The following KIAA0930 variants were observed in gnomAD, a reference collection of about 807,000 sequenced individuals.
KIAA0930 encodes the protein uncharacterized protein KIAA0930.
In KIAA0930, 24 loss-of-function variants were observed where a neutral mutation model predicts 43.9. The ratio of observed to expected loss-of-function variants is 0.55; its 90% CI spans 0.40 to 0.77. The LOEUF is 0.77. Among genes scored for constraint, KIAA0930 ranks in the 30% least tolerant of loss-of-function variants. KIAA0930 has a pLI of 0.00. For missense variants in KIAA0930, 461 were observed against 574.2 expected, an observed-to-expected ratio of 0.80 and a Z score of 2.02; for synonymous variants, 259 against 216.4, an observed-to-expected ratio of 1.20 and a Z score of -1.73.
chr22:45,238,897 T>TCTCTCTCTCTCTCTCACC (rs1569087823), intron 1 of KIAA0930, among the ~76,000 whole-genome samples: 3 of 151,624 alleles, frequency 2.0e-5, no homozygotes, highest in African/African-American at 7.3e-5. Context: ...TCTCTCTCTC[T>TCTCTCTCTCTCTCTCACC]CTCTCACCCT....
chr22:45,213,273 C>A (rs1192970502), intron 1 of KIAA0930: 1 of 1,284,584 alleles, frequency 7.8e-7, no homozygotes, highest in Non-Finnish European at 1.0e-6. Context: ...CAGCCCTCAG[C>A]CCTCTGCCCT....
intron 1 of KIAA0930, among the ~76,000 whole-genome samples, chr22:45,215,681 G>A (rs1158701093): frequency 6.6e-6 from 1 of 152,166 alleles, no homozygotes; most frequent in Non-Finnish European, 1.5e-5. Flanking sequence ...GATGTTTAGT[G>A]GAAAAGCGGA....
intron 8 of KIAA0930, among the ~76,000 whole-genome samples, chr22:45,199,470 C>T (rs2083567056): frequency 6.6e-6 from 1 of 152,310 alleles, no homozygotes; most frequent in South Asian, 2.1e-4. Context: ...TGAGGGCGAG[C>T]TGGCCCAAGG....
chr22:45,213,346 T>C, intron 1 of KIAA0930: 2 of 1,303,734 alleles, frequency 1.5e-6, no homozygotes, highest in Non-Finnish European at 2.0e-6. Flanking sequence ...GCCTGGCTCC[T>C]GGGCTCTAGG....
In KIAA0930 at chr22:45,206,919, G is replaced by A. The variant is rs377067990; in HGVS notation, c.217-1007C>T. On this transcript the variant is annotated intron_variant, in intron 2 of 9. Transcript: ENST00000336156. ...TCACCATGTTGGCCAGGCTGGTCTC[G>A]AACTCCTGACCTCAGGTGATCTGCC... Among the ~76,000 whole-genome samples the A allele has an allele frequency of 5.4e-4, 82 of 152,004 alleles. 1 individual carries two copies. The East Asian group carries it at 0.012, about 23-fold the overall frequency.
chr22:45,223,049 C>T (rs925503402), intron 1 of KIAA0930, among the ~76,000 whole-genome samples: 19 of 152,138 alleles, frequency 1.2e-4, no homozygotes, highest in Non-Finnish European at 2.5e-4. Flanking sequence ...CCCAGCGATC[C>T]CACAGATGAA....
chr22:45,204,577 C>T (rs1052697359), intron 5 of KIAA0930, among the ~76,000 whole-genome samples: 7 of 152,178 alleles, frequency 4.6e-5, no homozygotes, highest in Non-Finnish European at 7.4e-5. Flanking sequence ...TTCCTGCAGA[C>T]GCCCACGCCT....
At chr22:45,198,273 C>T (rs2083555470) in intron 8 of KIAA0930, among the ~76,000 whole-genome samples, 1 of 152,232 alleles carries the variant, frequency 6.6e-6, no homozygotes, top group Non-Finnish European at 1.5e-5. Flanking sequence ...TTCTGCAGGC[C>T]CTGTCCCTGG....
At chr22:45,230,664 C>G (rs2083847333) in intron 1 of KIAA0930, among the ~76,000 whole-genome samples, 1 of 151,284 alleles carries the variant, frequency 6.6e-6, no homozygotes, top group Non-Finnish European at 1.5e-5. Flanking sequence ...TCACTGCAAC[C>G]TCCGCCTCCC....
intron 1 of KIAA0930, among the ~76,000 whole-genome samples, chr22:45,218,331 T>A (rs1029768142): frequency 3.0e-4 from 41 of 134,562 alleles, no homozygotes; most frequent in Non-Finnish European, 7.9e-5. Context: ...CTAATTTTTT[T>A]GATTTTTTTT....
intron 1 of KIAA0930, among the ~76,000 whole-genome samples, chr22:45,218,967 A>T (rs2083750652): frequency 6.6e-6 from 1 of 152,154 alleles, no homozygotes; most frequent in South Asian, 2.1e-4. Context: ...TGTGGGATCC[A>T]CTTTCCAGCC....
At chr22:45,199,630 C>T (rs1018105754) in intron 8 of KIAA0930, among the ~76,000 whole-genome samples, 2 of 152,206 alleles carry the variant, frequency 1.3e-5, no homozygotes, top group Non-Finnish European at 2.9e-5. Flanking sequence ...TGCACATCTG[C>T]GCTCCAAGCA....
chr22:45,229,039 A>ATG (rs201767505), intron 1 of KIAA0930, among the ~76,000 whole-genome samples: 7 of 18,076 alleles, frequency 3.9e-4, no homozygotes, highest in Non-Finnish European at 4.6e-4. Flanking sequence ...ATCCCTCTCC[A>ATG]CCCCCCCACC....
intron 5 of KIAA0930, 48 bp downstream of exon 5, chr22:45,205,169 T>C (rs746555412): frequency 2.7e-6 from 4 of 1,464,416 alleles, no homozygotes; most frequent in Non-Finnish European, 3.8e-6. Flanking sequence ...CTAACACCCA[T>C]CTCACGAGAA....
At chr22:45,209,174 G>C (rs1249413405) in intron 2 of KIAA0930, among the ~76,000 whole-genome samples, 1 of 152,236 alleles carries the variant, frequency 6.6e-6, no homozygotes. Context: ...AGGTGCAGGA[G>C]GCCCGGCTGG....
At chr22:45,216,040 A>G (rs897322343) in intron 1 of KIAA0930, among the ~76,000 whole-genome samples, 2 of 148,660 alleles carry the variant, frequency 1.3e-5, no homozygotes, top group Non-Finnish European at 3.0e-5. Flanking sequence ...AAAAAAAACA[A>G]AAGAAAGGGA....
intron 1 of KIAA0930, among the ~76,000 whole-genome samples, chr22:45,227,168 T>C (rs941468209): frequency 3.3e-5 from 5 of 152,184 alleles, no homozygotes; most frequent in Non-Finnish European, 1.5e-5. Flanking sequence ...GGCCCACATG[T>C]ACTAGGTGCA....
intron 1 of KIAA0930, among the ~76,000 whole-genome samples, chr22:45,225,146 C>A (rs2083790978): frequency 6.6e-6 from 1 of 152,122 alleles, no homozygotes; most frequent in South Asian, 2.1e-4. Context: ...CGCACCCAGG[C>A]AGCCAGGGCT....
At chr22:45,238,521 C>T (rs1304220625) in intron 1 of KIAA0930, among the ~76,000 whole-genome samples, 1 of 152,164 alleles carries the variant, frequency 6.6e-6, no homozygotes, top group Non-Finnish European at 1.5e-5. Context: ...GACTGTGTGC[C>T]TGGGAGCTGG....
Sources: allele counts gnomAD v4.1 joint callset (sites outside exome capture counted in the v4.1 genomes callset), GRCh38; gene constraint gnomAD v4.1.1; transcripts MANE v1.5; gene names NCBI Gene and HGNC (gene_info 2026-07-23, HGNC 2026-07-21).